Variants in FBXL20 observed in about 807,000 individuals in gnomAD.
The protein encoded by FBXL20 is F-box/LRR-repeat protein 20.
A neutral mutation model predicts 64.0 loss-of-function variants in FBXL20; 11 were observed. That is an observed-to-expected ratio of 0.17 (90% confidence interval 0.11 to 0.28). FBXL20 has a LOEUF of 0.28. Among genes scored for constraint, FBXL20 ranks in the 10% least tolerant of loss-of-function variants. FBXL20 has a pLI of 1.00. For synonymous variants in FBXL20, 184 were observed against 189.0 expected (o/e 0.97, Z 0.22); for missense variants, 303 against 526.2 (o/e 0.58, Z 4.15).
chr17:39,327,053 T>C (rs906394561), intron 2 of FBXL20, among the ~76,000 whole-genome samples: 3 of 152,206 alleles, frequency 2.0e-5, no homozygotes, highest in Admixed American at 2.0e-4. Flanking sequence ...TCTCCACTAA[T>C]TTTTTTATTT....
intron 7 of FBXL20, among the ~76,000 whole-genome samples, chr17:39,284,678 C>A (rs2046974054): frequency 1.3e-5 from 2 of 152,150 alleles, no homozygotes. Context: ...GCCATCACGC[C>A]TGGCCTCAGG....
intron 3 of FBXL20, among the ~76,000 whole-genome samples, chr17:39,301,918 T>TC (rs899569248): frequency 9.3e-5 from 7 of 75,298 alleles, no homozygotes; most frequent in South Asian, 5.2e-4. Flanking sequence ...TAACCCTCCC[T>TC]CCCCCCGCCC....
chr17:39,263,702 G>A (rs776774783), intron 14 of FBXL20, among the ~76,000 whole-genome samples: 10 of 152,072 alleles, frequency 6.6e-5, no homozygotes, highest in Non-Finnish European at 1.0e-4. Context: ...TTAAAAGAAA[G>A]ACAGAAAAGG....
intron 2 of FBXL20, among the ~76,000 whole-genome samples, chr17:39,314,795 CTTTTTT>C (rs59955109): frequency 1.6e-5 from 2 of 125,964 alleles, no homozygotes; most frequent in African/African-American, 6.2e-5. Flanking sequence ...ATATCCTTTT[CTTTTTT>C]TTTTTTTTTT....
intron 2 of FBXL20, among the ~76,000 whole-genome samples, chr17:39,334,685 T>C (rs1199153999): frequency 6.6e-6 from 1 of 152,192 alleles, no homozygotes; most frequent in Non-Finnish European, 1.5e-5. Flanking sequence ...TTATAGGTAA[T>C]AACAGTCCTT....
intron 2 of FBXL20, among the ~76,000 whole-genome samples, chr17:39,321,362 G>T (rs1054773421): frequency 4.1e-4 from 62 of 150,938 alleles, no homozygotes; most frequent in Non-Finnish European, 2.1e-4. Context: ...TGAGGCAGGA[G>T]TTGGAGGTTG....
At chr17:39,291,122 C>T (rs553041481) in intron 6 of FBXL20, among the ~76,000 whole-genome samples, 13 of 151,890 alleles carry the variant, frequency 8.6e-5, no homozygotes, top group African/African-American at 1.4e-4. Context: ...CCACCACGCC[C>T]GGCTAACTTT....
chr17:39,344,353 A>G (rs77666691), intron 1 of FBXL20, among the ~76,000 whole-genome samples: 4 of 133,190 alleles, frequency 3.0e-5, no homozygotes, highest in Non-Finnish European at 6.4e-5. Flanking sequence ...CCCCTCTCCA[A>G]AAAAAAAAAA....
chr17:39,316,232 A>T (rs1470500191), intron 2 of FBXL20, among the ~76,000 whole-genome samples: 1 of 152,190 alleles, frequency 6.6e-6, no homozygotes, highest in Admixed American at 6.6e-5. Flanking sequence ...ATAGTTATCA[A>T]TATATACAGA....
intron 13 of FBXL20, 65 bp from the exon 14 acceptor site, chr17:39,264,452 T>A: frequency 6.5e-7 from 1 of 1,544,500 alleles, no homozygotes; most frequent in South Asian, 1.1e-5. Flanking sequence ...GCCAGAGGCT[T>A]GTGTGAATTG....
chr17:39,369,149 A>G (rs2047890204), intron 1 of FBXL20, among the ~76,000 whole-genome samples: 1 of 152,128 alleles, frequency 6.6e-6, no homozygotes, highest in Non-Finnish European at 1.5e-5. Context: ...ATAGTTTTAG[A>G]AGTACTGGAT....
At chr17:39,396,010 GT>G (rs71353578) in intron 1 of FBXL20, among the ~76,000 whole-genome samples, 48,158 of 128,752 alleles carry the variant, frequency 0.37, 10,658 homozygotes, top group African/African-American at 0.65. Context: ...GTTTTGTGGG[GT>G]TTTTTTTTTT....
intron 2 of FBXL20, among the ~76,000 whole-genome samples, chr17:39,306,913 T>C (rs909733760): frequency 6.6e-6 from 1 of 152,204 alleles, no homozygotes; most frequent in East Asian, 1.9e-4. Flanking sequence ...AACTGATCTA[T>C]ATCCTGCAAT....
Position 39,293,103 on chromosome 17 carries a change from A to ACT in FBXL20, c.398+4023_398+4024insAG, listed in dbSNP as rs2047055339. 6.6e-5 allele frequency among the ~76,000 whole-genome samples: 10 copies of ACT among 152,040 alleles called. No individual in the cohort carries two copies. In the East Asian group the frequency reaches 1.2e-3, roughly 18 times the overall value. ...CCACTGTGCCTGGCCAACATGTCTT[A>ACT]CAATTTTTGATTGAGTGACAGATAT... On this transcript the variant is annotated intron_variant, in intron 6 of 14. Transcript: ENST00000264658.
At position 39,257,310 on chromosome 17, in the gene FBXL20, C is replaced by T. The variant is rs2046704707; in HGVS notation, c.*4150G>A. 6.6e-6 allele frequency: 1 copy of T among 152,202 alleles called. No individual in the cohort carries two copies. The highest frequency in any genetic ancestry group is 2.4e-5 in the African/African-American group (1 of 41,458). The allele number at this position is 152,202 out of a possible 1,614,324, so 9.4% of individuals were successfully genotyped here. Reference sequence around the variant, plus strand: ...GTCGCTACTAAAACATTATGGCTATCTTGAATAACTCAAATAGTCTGGAAA... The same window carrying T: ...GTCGCTACTAAAACATTATGGCTATTTTGAATAACTCAAATAGTCTGGAAA... On this transcript the variant is annotated 3_prime_UTR_variant, in exon 15 of 15. Coordinates refer to ENST00000264658, the MANE Select transcript of FBXL20 (RefSeq NM_032875.3).
intron 1 of FBXL20, among the ~76,000 whole-genome samples, chr17:39,378,399 G>A (rs1451322212): frequency 6.6e-6 from 1 of 152,142 alleles, no homozygotes; most frequent in East Asian, 1.9e-4. Context: ...GAGCATAGAA[G>A]TTTGAGATCA....
intron 1 of FBXL20, among the ~76,000 whole-genome samples, chr17:39,361,526 G>A (rs2047793583): frequency 6.6e-6 from 1 of 152,122 alleles, no homozygotes; most frequent in Admixed American, 6.6e-5. Flanking sequence ...GGTCAGGCAG[G>A]GTGGCTTATG....
At chr17:39,268,982 T>C (rs2046816115) in intron 11 of FBXL20, 111 bp from the exon 12 acceptor site, 4 of 1,015,366 alleles carry the variant, frequency 3.9e-6, no homozygotes, top group African/African-American at 1.6e-5. Flanking sequence ...ATAAATTCTT[T>C]GGTGTTTCAG....
At chr17:39,288,713 A>G (rs1011698470) in intron 6 of FBXL20, among the ~76,000 whole-genome samples, 4 of 148,892 alleles carry the variant, frequency 2.7e-5, no homozygotes, top group African/African-American at 9.9e-5. Context: ...TAGACGCATA[A>G]TTTTTTTTTT....
Sources: allele counts gnomAD v4.1 joint callset (sites outside exome capture counted in the v4.1 genomes callset), GRCh38; gene constraint gnomAD v4.1.1; transcripts MANE v1.5; gene names NCBI Gene and HGNC (gene_info 2026-07-23, HGNC 2026-07-21).